MRE11: variants seen among roughly 807,000 people sequenced by gnomAD.
MRE11 encodes the protein double-strand break repair protein MRE11.
MRE11 carries 62 observed loss-of-function variants against 91.7 expected under a neutral mutation model. That is an observed-to-expected ratio of 0.68 (90% confidence interval 0.55 to 0.84). MRE11 has a LOEUF of 0.84. MRE11 is among the 40% of genes least tolerant of loss of function. The pLI, the probability that MRE11 is intolerant of heterozygous loss-of-function variation, is 0.00. For synonymous variants in MRE11, 273 were observed against 271.4 expected (o/e 1.01, Z -0.06); for missense variants, 796 against 852.9 (o/e 0.93, Z 0.83).
upstream of MRE11, chr11:94,496,548 A>G: frequency 1.4e-6 from 1 of 713,836 alleles, no homozygotes; most frequent in Non-Finnish European, 2.3e-6. Context: ...TTATCTATGC[A>G]GTTGATAAAG....
chr11:94,504,171 T>C, the MRE11 span, among the ~76,000 whole-genome samples: 1 of 152,210 alleles, frequency 6.6e-6, no homozygotes, highest in Non-Finnish European at 1.5e-5. Context: ...ATCGTGGTAA[T>C]GATTTTGCAG....
the MRE11 span, among the ~76,000 whole-genome samples, chr11:94,507,124 AACAGCTACTTTGTGCTTCC>A: frequency 2.0e-5 from 3 of 152,360 alleles, no homozygotes; most frequent in African/African-American, 4.8e-5. Flanking sequence ...CAGCACCTCC[AACAGCTACTTTGTGCTTCC>A]ACTCAGTGTT....
At chr11:94,497,089 C>A, upstream of MRE11, 1 of 1,178,256 alleles carries the variant, frequency 8.5e-7, no homozygotes, top group Non-Finnish European at 1.2e-6. Flanking sequence ...TACATGAAAG[C>A]ACATATTAAG....
At chr11:94,455,168 C>A (rs1402923424) in intron 14 of MRE11, among the ~76,000 whole-genome samples, 6 of 152,102 alleles carry the variant, frequency 3.9e-5, no homozygotes, top group Admixed American at 3.9e-4. Context: ...TGATAGGACA[C>A]AGGATGATAG....
In MRE11 at chr11:94,445,891, C is replaced by A; in HGVS notation, c.1786G>T (p.Asp596Tyr). 1.2e-6 allele frequency: 2 copies of A among 1,612,520 alleles called. No homozygotes were observed. The part of the protein sequence containing the change: ...SRGGSQRGRA[D>Y]TGLETSTRSR... ...CGGGTAGAAGTCTCCAGACCAGTGT[C>A]TGCTGTTAGAAAAATGAACAGTCAA... is the stretch of plus-strand genomic sequence containing the variant. The change falls in exon 16 of 20, where the codon GAC becomes TAC. Residue 596 changes from aspartate (D) to tyrosine (Y), a missense_variant and splice_region_variant. Physicochemically the swap from Asp to Tyr is radical, Grantham distance 160 (BLOSUM62 -3). Coordinates refer to ENST00000323929, the MANE Select transcript of MRE11 (RefSeq NM_005591.4).
upstream of MRE11, chr11:94,498,329 G>A: frequency 6.2e-7 from 1 of 1,613,666 alleles, no homozygotes; most frequent in Non-Finnish European, 8.5e-7. Context: ...CCAAACAAAA[G>A]GCCTCTTGAC....
Position 94,461,903 on chromosome 11 carries a change from G to A in MRE11, c.1226-867C>T, listed in dbSNP as rs1023268153. ...AACCTGGATAATACGGTGAAACCCC[G>A]TCTCTACTAAAAATACAAAAATTAG... On this transcript the variant is annotated intron_variant, in intron 11 of 19. Coordinates refer to ENST00000323929, the MANE Select transcript of MRE11 (RefSeq NM_005591.4). Among the ~76,000 whole-genome samples the A allele has an allele frequency of 7.9e-5, 12 of 152,122 alleles. No homozygotes were observed. The East Asian group carries it at 1.2e-3, about 15-fold the overall frequency.
At chr11:94,463,674 C>T (rs1229863304) in intron 11 of MRE11, among the ~76,000 whole-genome samples, 3 of 151,856 alleles carry the variant, frequency 2.0e-5, no homozygotes, top group African/African-American at 4.8e-5. Context: ...AGCAAACTAC[C>T]GCAAGGACAG....
upstream of MRE11, chr11:94,498,043 T>C (rs767598661): frequency 1.1e-5 from 16 of 1,518,262 alleles, no homozygotes; most frequent in Non-Finnish European, 1.4e-5. Flanking sequence ...TTGAGTTGAG[T>C]TGAAAGATTT....
At chr11:94,506,194 TTTG>T in the MRE11 span, among the ~76,000 whole-genome samples, 17 of 151,952 alleles carry the variant, frequency 1.1e-4, no homozygotes, top group African/African-American at 3.9e-4. Flanking sequence ...CAGTTTTTTT[TTTG>T]GGTAAGGATT....
chr11:94,456,597 A>G (rs1385608621), intron 13 of MRE11, among the ~76,000 whole-genome samples: 1 of 152,172 alleles, frequency 6.6e-6, no homozygotes, highest in Non-Finnish European at 1.5e-5. Context: ...AAAGTCTTTC[A>G]GACTGTACAG....
intron 13 of MRE11, among the ~76,000 whole-genome samples, chr11:94,456,624 C>T (rs1946254159): frequency 6.6e-6 from 1 of 152,256 alleles, no homozygotes; most frequent in Admixed American, 6.5e-5. Context: ...TTCTAATACC[C>T]TATGGGTATT....
the MRE11 span, among the ~76,000 whole-genome samples, chr11:94,509,475 G>C: frequency 6.6e-6 from 1 of 151,750 alleles, no homozygotes. Flanking sequence ...ATGGAGTCTT[G>C]CTCTGTTGCC....
chr11:94,492,042 G>A (rs1435887502), intron 2 of MRE11, among the ~76,000 whole-genome samples: 1 of 152,194 alleles, frequency 6.6e-6, no homozygotes, highest in Non-Finnish European at 1.5e-5. Flanking sequence ...GCAAGGCTCA[G>A]AGAACTGCTG....
intron 3 of MRE11, among the ~76,000 whole-genome samples, chr11:94,489,243 T>C (rs2135134997): frequency 6.6e-6 from 1 of 151,274 alleles, no homozygotes; most frequent in African/African-American, 2.4e-5. Context: ...CTCTCAGAAG[T>C]CGGCCCCACC....
chr11:94,475,465 A>G (rs1335649035), intron 7 of MRE11: 3 of 387,214 alleles, frequency 7.7e-6, no homozygotes, highest in Non-Finnish European at 1.0e-5. Context: ...ATCAGGCCCC[A>G]AATCCTTTGA....
intron 2 of MRE11, 117 bp downstream of exon 2, chr11:94,492,665 G>A (rs756198772): frequency 4.5e-5 from 65 of 1,449,140 alleles, no homozygotes; most frequent in Admixed American, 2.5e-4. Flanking sequence ...TAATATTTCT[G>A]TTCATAAACA....
chr11:94,488,239 G>GT (rs563585943), intron 3 of MRE11, among the ~76,000 whole-genome samples: 221 of 152,210 alleles, frequency 1.5e-3, no homozygotes, highest in African/African-American at 5.0e-3. Context: ...TTGGCCACAA[G>GT]TTTTTTTGCC....
chr11:94,466,292 G>C (rs1946561102), intron 10 of MRE11, among the ~76,000 whole-genome samples: 1 of 152,160 alleles, frequency 6.6e-6, no homozygotes, highest in South Asian at 2.1e-4. Flanking sequence ...ATGCAAAACT[G>C]TGTTTTACAA....
Sources: allele counts gnomAD v4.1 joint callset (sites outside exome capture counted in the v4.1 genomes callset), GRCh38; gene constraint gnomAD v4.1.1; transcripts MANE v1.5; gene names NCBI Gene and HGNC (gene_info 2026-07-23, HGNC 2026-07-21).